Variants in MAX observed in about 807,000 individuals in gnomAD.
MAX encodes MYC associated transcriptional regulator X.
In MAX, 3 loss-of-function variants were observed where a neutral mutation model predicts 22.3. That is an observed-to-expected ratio of 0.13 (90% CI 0.06 to 0.35). The LOEUF (loss-of-function observed/expected upper bound fraction) is 0.35, where lower values mean the gene tolerates loss of function less well. MAX is among the 10% of genes least tolerant of loss of function. The pLI is 1.00. For missense variants in MAX, 119 were observed against 209.4 expected (o/e 0.57, Z 2.66); for synonymous variants, 72 against 77.7 (o/e 0.93, Z 0.39).
intron 3 of MAX, chr14:65,061,568 G>A (rs918438339): frequency 1.9e-5 from 8 of 425,974 alleles, no homozygotes; most frequent in Non-Finnish European, 3.4e-5. Flanking sequence ...AACAGTGCAT[G>A]CCAGGAGGAA....
rs1348570411 is a variant in MAX at position 65,023,140 on chromosome 14, C to G, written c.172-16856G>C. Among the ~76,000 whole-genome samples, 1 of 152,188 alleles carries G rather than the reference C, an allele frequency of 6.6e-6. No homozygotes were observed. Among genetic ancestry groups the G allele is most frequent in the African/African-American group, 2.4e-5 (1 of 41,442 alleles). On this transcript the variant is annotated intron_variant, in intron 3 of 3. Coordinates refer to the MAX transcript ENST00000341653. This position sits in a 1 kb window ranked among gnomAD's most constrained non-coding sequence, Gnocchi z 4.1. ...TGGCACAATCACAGCTCACTGCAAC[C>G]TGGACTTCCCCAAGCTCAAGTGATC... is the stretch of plus-strand genomic sequence containing the variant.
In MAX at chr14:65,012,434, A is replaced by C; in HGVS notation, c.172-6150T>G. 1 of 1,611,072 alleles carries C rather than the reference A, an allele frequency of 6.2e-7. No individual in the cohort carries two copies. Among genetic ancestry groups the C allele is most frequent in the Non-Finnish European group, 8.5e-7 (1 of 1,177,516 alleles). ...ACTCTTGCTGTCAAATTATCCACCA[A>C]ATCCTCCTCCTTTTTCTATTTAAAC... On this transcript the variant is annotated intron_variant, in intron 3 of 3. Transcript: ENST00000341653. This position sits in a 1 kb window ranked among gnomAD's most constrained non-coding sequence, Gnocchi z 5.0.
At chr14:65,058,059 G>A (rs1044572707) in intron 3 of MAX, among the ~76,000 whole-genome samples, 6 of 151,706 alleles carry the variant, frequency 4.0e-5, no homozygotes, top group Non-Finnish European at 7.4e-5. Flanking sequence ...AAGTTCTAAT[G>A]GGATTTTTAT....
intron 3 of MAX, chr14:65,061,560 C>A: frequency 2.2e-6 from 1 of 449,590 alleles, no homozygotes; most frequent in South Asian, 2.9e-5. Context: ...GGTTGGTGAA[C>A]AGTGCATGCC....
intron 3 of MAX, among the ~76,000 whole-genome samples, chr14:65,092,516 T>C (rs1474302232): frequency 6.6e-6 from 1 of 152,218 alleles, no homozygotes; most frequent in Non-Finnish European, 1.5e-5. Context: ...TACTTAGTGT[T>C]GTACCCAGGA....
Position 65,084,395 on chromosome 14 carries a change from C to CA in MAX, c.172-6360_172-6359insT. ...TGTTTACTGAATTAGTTACCCTCTTCCAAAAAAAAAAATTCCAGTGATAAT... is the reference window on the plus strand; with the variant it reads ...TGTTTACTGAATTAGTTACCCTCTTCACAAAAAAAAAAATTCCAGTGATAAT... On this transcript the variant is annotated intron_variant, in intron 3 of 4. Coordinates refer to ENST00000358664, the MANE Select transcript of MAX (RefSeq NM_002382.5). The surrounding 1 kb of genome is among the most constrained non-coding windows in gnomAD (Gnocchi z 4.3). 9.2e-6 allele frequency: 7 copies of CA among 761,374 alleles called. No homozygotes were observed. The highest frequency in any genetic ancestry group is 4.6e-5 in the South Asian group (3 of 64,696). The allele number at this position is 761,374 out of a possible 1,614,324, so 47.2% of individuals were successfully genotyped here.
chr14:65,076,215 G>A lies in MAX; in HGVS notation c.*261C>T. On this transcript the variant is annotated 3_prime_UTR_variant, in exon 5 of 5. Transcript: ENST00000358664. The surrounding 1 kb of genome is among the most constrained non-coding windows in gnomAD (Gnocchi z 6.6). ...CTCCACAGAAAAAGCTGCCAAGTTG[G>A]GGTGTTTTGGTTTAAAAATTCCTGT... The A allele has an allele frequency of 1.4e-6, 2 of 1,420,930 alleles. No homozygotes were observed. The highest frequency in any genetic ancestry group is 3.1e-5 in the South Asian group (2 of 63,608). The allele number at this position is 1,420,930 out of a possible 1,614,324, so 88.0% of individuals were successfully genotyped here.
intron 3 of MAX, among the ~76,000 whole-genome samples, chr14:65,052,672 G>A (rs1343423199): frequency 6.6e-6 from 1 of 152,194 alleles, no homozygotes; most frequent in African/African-American, 2.4e-5. Flanking sequence ...ATATGATGCA[G>A]GAGGGCAGTT....
chr14:65,096,441 A>G (rs998537782), intron 2 of MAX, among the ~76,000 whole-genome samples: 2 of 152,226 alleles, frequency 1.3e-5, no homozygotes, highest in Non-Finnish European at 2.9e-5. Context: ...GAGCACATGA[A>G]AAACAGAAAA....
intron 2 of MAX, among the ~76,000 whole-genome samples, chr14:65,098,799 G>GA (rs1024823943): frequency 6.6e-6 from 1 of 152,094 alleles, no homozygotes; most frequent in African/African-American, 2.4e-5. Context: ...TGAAGCAATA[G>GA]AAAAAAATAT....
At position 65,076,120 on chromosome 14, in the gene MAX, C is replaced by T. The variant is rs1264670540; in HGVS notation, c.*356G>A. Reference sequence around the variant, plus strand: ...GGCAGGCGTCCCCCGGGCATGTGCCCGGCAGGGCTGGAGGAGCTGGTAGGG... The same window carrying T: ...GGCAGGCGTCCCCCGGGCATGTGCCTGGCAGGGCTGGAGGAGCTGGTAGGG... On this transcript the variant is annotated 3_prime_UTR_variant, in exon 5 of 5. Transcript: ENST00000358664. This position sits in a 1 kb window ranked among gnomAD's most constrained non-coding sequence, Gnocchi z 6.6. 48 of 1,295,304 alleles carry T rather than the reference C, an allele frequency of 3.7e-5. No individual in the cohort carries two copies. Among genetic ancestry groups the T allele is most frequent in the Admixed American group, 1.1e-4 (3 of 27,014 alleles). The allele number at this position is 1,295,304 out of a possible 1,614,324, so 80.2% of individuals were successfully genotyped here. A position where few individuals can be genotyped will look rare whatever the true frequency, so the allele number is the denominator to read the frequency against.
Position 65,027,360 on chromosome 14 carries a change from G to T in MAX, c.172-21076C>A. 6.4e-7 allele frequency: 1 copy of T among 1,560,126 alleles called. No individual in the cohort carries two copies. The highest frequency in any genetic ancestry group is 8.7e-7 in the Non-Finnish European group (1 of 1,152,816). On this transcript the variant is annotated intron_variant, in intron 3 of 3. Transcript: ENST00000341653. This position sits in a 1 kb window ranked among gnomAD's most constrained non-coding sequence, Gnocchi z 5.7. ...TCCCCTCAACTTTTGAGGGAGTGGG[G>T]GATCATTGGAAAGGCCTGGAATCTA...
intron 3 of MAX, among the ~76,000 whole-genome samples, chr14:65,019,203 C>T (rs2061841348): frequency 6.6e-6 from 1 of 150,870 alleles, no homozygotes; most frequent in South Asian, 2.1e-4. Flanking sequence ...GAAGAACTTT[C>T]TGGCTGGATG....
intron 3 of MAX, among the ~76,000 whole-genome samples, chr14:65,058,785 C>T (rs980069493): frequency 1.3e-5 from 2 of 152,106 alleles, no homozygotes; most frequent in Non-Finnish European, 2.9e-5. Context: ...CCAGGATAAG[C>T]CCTTCTTGGT....
At chr14:65,006,853 G>A (rs907883035) in intron 3 of MAX, among the ~76,000 whole-genome samples, 3 of 152,146 alleles carry the variant, frequency 2.0e-5, no homozygotes, top group Admixed American at 6.5e-5. Context: ...TTATAGTCTG[G>A]GAGGAAGCAG....
chr14:65,007,312 G>A lies in MAX; in HGVS notation c.172-1028C>T, dbSNP rs928154114. Among the ~76,000 whole-genome samples the A allele has an allele frequency of 2.0e-5, 3 of 152,198 alleles. No individual in the cohort carries two copies. The highest frequency in any genetic ancestry group is 7.2e-5 in the African/African-American group (3 of 41,448). ...ATACAGGAAGTAACCTTCACTGTTA[G>A]CTGAAGTGCATGGTTAGCTGTTAGC... On this transcript the variant is annotated intron_variant, in intron 3 of 3. Transcript: ENST00000341653. The surrounding 1 kb of genome is among the most constrained non-coding windows in gnomAD (Gnocchi z 4.9).
intron 3 of MAX, among the ~76,000 whole-genome samples, chr14:65,081,005 C>T (rs536124595): frequency 5.3e-5 from 8 of 152,334 alleles, no homozygotes; most frequent in African/African-American, 1.7e-4. Context: ...TGGCAGTTTC[C>T]ATTTCAGGGT....
intron 3 of MAX, among the ~76,000 whole-genome samples, chr14:65,020,594 C>T (rs988113097): frequency 3.3e-5 from 5 of 151,926 alleles, no homozygotes; most frequent in Non-Finnish European, 7.4e-5. Flanking sequence ...CCACCACACC[C>T]GGCTAATTTT....
At position 65,084,186 on chromosome 14, in the gene MAX, C is replaced by G. The variant is rs1376490103; in HGVS notation, c.172-6150G>C. 2 of 1,613,880 alleles carry G rather than the reference C, an allele frequency of 1.2e-6. No individual in the cohort carries two copies. Among genetic ancestry groups the G allele is most frequent in the Non-Finnish European group, 8.5e-7 (1 of 1,179,830 alleles). Reference sequence around the variant, plus strand: ...GGGTCAAAACAATCATTTTTTAAATCTTGCATTCTTTTTTCTTGTGCACTT... The same window carrying G: ...GGGTCAAAACAATCATTTTTTAAATGTTGCATTCTTTTTTCTTGTGCACTT... On this transcript the variant is annotated intron_variant, in intron 3 of 4. Transcript: ENST00000358664. This position sits in a 1 kb window ranked among gnomAD's most constrained non-coding sequence, Gnocchi z 4.3.
Sources: allele counts gnomAD v4.1 joint callset (sites outside exome capture counted in the v4.1 genomes callset), GRCh38; gene constraint gnomAD v4.1.1; non-coding constraint Gnocchi (gnomAD v3.1); transcripts MANE v1.5; gene names NCBI Gene and HGNC (gene_info 2026-07-23, HGNC 2026-07-21).